Variants in RIMKLB observed in about 807,000 individuals in gnomAD.
RIMKLB encodes ribosomal modification protein rimK like family member B, also known as beta-citrylglutamate synthase B.
Under a neutral mutation model 32.0 loss-of-function variants are expected in RIMKLB, and 7 were observed. The observed-to-expected ratio is 0.22, with a 90% confidence interval of 0.12 to 0.41. The LOEUF (loss-of-function observed/expected upper bound fraction) is 0.41, where lower values mean the gene tolerates loss of function less well. RIMKLB is among the 10% of genes least tolerant of loss of function. RIMKLB has a pLI of 1.00. For synonymous variants in RIMKLB, 172 were observed against 185.1 expected (o/e 0.93, Z 0.57); for missense variants, 289 against 498.7 (o/e 0.58, Z 4.00).
chr12:8,745,547 A>C (rs2137609551), intron 2 of RIMKLB, among the ~76,000 whole-genome samples: 1 of 151,386 alleles, frequency 6.6e-6, no homozygotes, highest in East Asian at 2.0e-4. Context: ...TGCATGAGCC[A>C]CCATGCCTGG....
At chr12:8,695,359 A>G (rs1942856624), upstream of RIMKLB, among the ~76,000 whole-genome samples, 1 of 152,194 alleles carries the variant, frequency 6.6e-6, no homozygotes, top group South Asian at 2.1e-4. Context: ...CCGCCTAAAC[A>G]TATCAACCAT....
In RIMKLB at chr12:8,773,708, T is replaced by C. The variant is rs1449162438; in HGVS notation, c.1085T>C (p.Leu362Pro). ...DSDPESTERE[L>P]LTKLPGGLFN... Reference sequence around the variant, plus strand: ...GACCCTGAAAGCACGGAGCGAGAGCTGCTCACCAAGCTCCCAGGGGGCCTG... The same window carrying C: ...GACCCTGAAAGCACGGAGCGAGAGCCGCTCACCAAGCTCCCAGGGGGCCTG... Residue 362 changes from leucine (L) to proline (P), a missense_variant, in exon 6 of 6, where the codon CTG becomes CCG. By Grantham distance (98) the Leu-to-Pro change is moderately conservative. Transcript: ENST00000535829. The C allele has an allele frequency of 1.2e-6, 2 of 1,614,146 alleles. No individual in the cohort carries two copies. The highest frequency in any genetic ancestry group is 1.7e-5 in the Admixed American group (1 of 60,012).
the RIMKLB span, among the ~76,000 whole-genome samples, chr12:8,674,619 A>T: frequency 8.7e-4 from 132 of 151,508 alleles, 1 homozygote; most frequent in African/African-American, 2.8e-3. Context: ...GCGATATCTC[A>T]GTTCACTGCA....
intron 1 of RIMKLB, among the ~76,000 whole-genome samples, chr12:8,684,824 C>T (rs1049688456): frequency 1.3e-5 from 2 of 151,984 alleles, no homozygotes; most frequent in African/African-American, 2.4e-5. Context: ...GGTTTCACCA[C>T]GTTGTCTAGG....
At chr12:8,676,797 C>A (rs974163863), upstream of RIMKLB, among the ~76,000 whole-genome samples, 1 of 152,070 alleles carries the variant, frequency 6.6e-6, no homozygotes, top group African/African-American at 2.4e-5. Flanking sequence ...CCCATAGGCA[C>A]CTTGAGTCAG....
chr12:8,753,430 AATAG>A (rs1371633304), intron 4 of RIMKLB, among the ~76,000 whole-genome samples: 5 of 152,222 alleles, frequency 3.3e-5, no homozygotes, highest in African/African-American at 1.2e-4. Context: ...TTGGCACAGA[AATAG>A]ACAAATAGAG....
rs190220109 is a variant in RIMKLB at position 8,769,282 on chromosome 12, T to A, written c.698-4039T>A. Among the ~76,000 whole-genome samples the A allele has an allele frequency of 4.7e-3, 713 of 152,130 alleles. 3 individuals carry two copies. The highest frequency in any genetic ancestry group is 0.016 in the African/African-American group (669 of 41,456). ...GAATGTGGCCTGTAACATTTTTTTT[T>A]AATTTCATTAATTTTTTTTGGTGTG... is the stretch of plus-strand genomic sequence containing the variant. On this transcript the variant is annotated intron_variant, in intron 5 of 5. Coordinates refer to ENST00000535829, the MANE Select transcript of RIMKLB (RefSeq NM_001297776.2).
chr12:8,676,382 CTTTTTTTTTTT>C, the RIMKLB span, among the ~76,000 whole-genome samples: 6 of 37,340 alleles, frequency 1.6e-4, no homozygotes, highest in Admixed American at 4.7e-4. Flanking sequence ...CCCCCAACAG[CTTTTTTTTTTT>C]TTTTTTTTTT....
chr12:8,730,583 A>G (rs1946442371), intron 2 of RIMKLB, among the ~76,000 whole-genome samples: 1 of 152,202 alleles, frequency 6.6e-6, no homozygotes, highest in Admixed American at 6.5e-5. Flanking sequence ...ACAGATCTGA[A>G]TATTGCTAAT....
At chr12:8,670,026 CAAAAAAAAAAAAA>C in the RIMKLB span, among the ~76,000 whole-genome samples, 7 of 36,944 alleles carry the variant, frequency 1.9e-4, no homozygotes, top group Admixed American at 7.1e-4. Flanking sequence ...GACTCCGTCT[CAAAAAAAAAAAAA>C]AAAAAAAAAA....
At position 8,752,744 on chromosome 12, in the gene RIMKLB, T is replaced by G. The variant is rs58921880; in HGVS notation, c.493+701T>G. Among the ~76,000 whole-genome samples the G allele has an allele frequency of 1.1e-3, 165 of 149,404 alleles. 1 individual carries two copies. Among genetic ancestry groups the G allele is most frequent in the Non-Finnish European group, 1.7e-3 (118 of 67,980 alleles). On this transcript the variant is annotated intron_variant, in intron 4 of 5. Transcript: ENST00000535829. Reference sequence around the variant, plus strand: ...TTGTTGTTGTTGTTATTGTTTGTTTTTTGTTTTTTTTTTGAGATGGAGTTT... The same window carrying G: ...TTGTTGTTGTTGTTATTGTTTGTTTGTTGTTTTTTTTTTGAGATGGAGTTT...
intron 2 of RIMKLB, among the ~76,000 whole-genome samples, chr12:8,719,164 G>A (rs1945184854): frequency 6.6e-6 from 1 of 152,126 alleles, no homozygotes; most frequent in Non-Finnish European, 1.5e-5. Flanking sequence ...GCAGTATGTA[G>A]TGTTTTCGTA....
At chr12:8,752,071 T>C (rs1335357129) in intron 4 of RIMKLB, 28 bp downstream of exon 4, 1 of 1,423,660 alleles carries the variant, frequency 7.0e-7, no homozygotes, top group South Asian at 1.2e-5. Context: ...GTAAGGTATA[T>C]AGTTTTGAAA....
At chr12:8,733,777 G>T (rs563707243) in intron 2 of RIMKLB, among the ~76,000 whole-genome samples, 1 of 152,174 alleles carries the variant, frequency 6.6e-6, no homozygotes, top group African/African-American at 2.4e-5. Flanking sequence ...TAGCTACTCG[G>T]AGAGGCTGAG....
intron 1 of RIMKLB, chr12:8,700,728 A>G (rs1162331414): frequency 6.6e-6 from 1 of 152,198 alleles, no homozygotes; most frequent in Non-Finnish European, 1.5e-5. Context: ...GTATTCTGCA[A>G]GTGGGATTAA....
intron 5 of RIMKLB, among the ~76,000 whole-genome samples, chr12:8,761,852 T>A (rs185335458): frequency 1.3e-5 from 2 of 152,236 alleles, no homozygotes; most frequent in East Asian, 3.9e-4. Context: ...GCAGTCGAGA[T>A]TTCCTCGGGA....
chr12:8,774,048 A>G lies in RIMKLB; in HGVS notation c.*264A>G. On this transcript the variant is annotated 3_prime_UTR_variant, in exon 6 of 6. Transcript: ENST00000535829. Reference sequence around the variant, plus strand: ...CATAGTTACCCTTTTAAATTGCTAAAAAATGTGTATGCTCATAGGCCATGA... The same window carrying G: ...CATAGTTACCCTTTTAAATTGCTAAGAAATGTGTATGCTCATAGGCCATGA... The G allele has an allele frequency of 8.0e-7, 1 of 1,245,414 alleles. No individual in the cohort carries two copies. Among genetic ancestry groups the G allele is most frequent in the Admixed American group, 3.8e-5 (1 of 26,316 alleles). The allele number at this position is 1,245,414 out of a possible 1,614,324, so 77.1% of individuals were successfully genotyped here.
At chr12:8,699,002 C>G (rs1391756081) in intron 1 of RIMKLB, among the ~76,000 whole-genome samples, 1 of 152,046 alleles carries the variant, frequency 6.6e-6, no homozygotes, top group Non-Finnish European at 1.5e-5. Flanking sequence ...TTCAATCTCC[C>G]CTTATTAATA....
At chr12:8,717,935 A>G (rs1334186952) in intron 2 of RIMKLB, among the ~76,000 whole-genome samples, 1 of 152,174 alleles carries the variant, frequency 6.6e-6, no homozygotes, top group South Asian at 2.1e-4. Flanking sequence ...AAAATAACGA[A>G]TAATGTACTG....
Sources: allele counts gnomAD v4.1 joint callset (sites outside exome capture counted in the v4.1 genomes callset), GRCh38; gene constraint gnomAD v4.1.1; transcripts MANE v1.5; gene names NCBI Gene and HGNC (gene_info 2026-07-23, HGNC 2026-07-21).